PRKDC: variants seen among roughly 807,000 people sequenced by gnomAD.
The protein encoded by PRKDC is DNA-dependent protein kinase catalytic subunit.
A neutral mutation model predicts 486.9 loss-of-function variants in PRKDC; 82 were observed. That is an observed-to-expected ratio of 0.17 (90% CI 0.14 to 0.20). The LOEUF is 0.20. PRKDC is among the 10% of genes least tolerant of loss of function. The pLI, the probability that PRKDC is intolerant of heterozygous loss-of-function variation, is 1.00. For missense variants in PRKDC, 4,504 were observed against 5,038.2 expected (o/e 0.89, Z 3.21); for synonymous variants, 1,895 against 1,837.0 (o/e 1.03, Z -0.81).
At chr8:47,917,958 C>T (rs1413989854) in intron 22 of PRKDC, among the ~76,000 whole-genome samples, 1 of 152,078 alleles carries the variant, frequency 6.6e-6, no homozygotes, top group Non-Finnish European at 1.5e-5. Context: ...GATTCTCCCA[C>T]CTCAGCCTCC....
chr8:47,934,792 A>G (rs975190231), intron 14 of PRKDC, among the ~76,000 whole-genome samples: 5 of 152,214 alleles, frequency 3.3e-5, no homozygotes, highest in African/African-American at 1.2e-4. Context: ...AATGTATAAA[A>G]CCTAAAGTTA....
chr8:47,939,915 G>T, intron 10 of PRKDC: 3 of 173,904 alleles, frequency 1.7e-5, no homozygotes, highest in Non-Finnish European at 2.2e-5. Context: ...TTTTCCTAGA[G>T]AAGGGACTAA....
rs559058484 is a variant in PRKDC at position 47,776,744 on chromosome 8, C to T, written c.12182+100G>A. ...AATGAAAGCAGAGAAGTCATGCTAA[C>T]AGAGTGTCAAGAGCTCAGCACTTTG... On this transcript the variant is annotated intron_variant, in intron 85 of 85. Transcript: ENST00000314191. 101 of 1,429,800 alleles carry T rather than the reference C, an allele frequency of 7.1e-5. No individual in the cohort carries two copies. In the Middle Eastern group the frequency reaches 8.7e-4, roughly 12 times the overall value. 88.6% of individuals were successfully genotyped at this position (1,429,800 alleles called of 1,614,324 possible).
At chr8:47,789,116 T>C (rs779095945) in intron 75 of PRKDC, 35 bp downstream of exon 75, 13 of 1,612,506 alleles carry the variant, frequency 8.1e-6, no homozygotes, top group African/African-American at 1.3e-5. Context: ...ACCCAACTTA[T>C]ATGTTTTATG....
At chr8:47,920,499 G>A (rs759029731) in intron 21 of PRKDC, among the ~76,000 whole-genome samples, 3 of 152,170 alleles carry the variant, frequency 2.0e-5, no homozygotes, top group Non-Finnish European at 4.4e-5. Flanking sequence ...GATTTATACA[G>A]ATATGTAAAT....
intron 69 of PRKDC, among the ~76,000 whole-genome samples, chr8:47,805,338 C>T (rs1426844508): frequency 6.6e-6 from 1 of 152,130 alleles, no homozygotes; most frequent in African/African-American, 2.4e-5. Flanking sequence ...GGGTGTGAAG[C>T]GGTCTCTCCT....
At chr8:47,783,481 T>A (rs1011725197) in intron 78 of PRKDC, among the ~76,000 whole-genome samples, 3 of 151,520 alleles carry the variant, frequency 2.0e-5, no homozygotes, top group African/African-American at 7.3e-5. Flanking sequence ...TCCCAGCTAC[T>A]CGGGAGGCTG....
In PRKDC at chr8:47,890,499, AAG is replaced by A; in HGVS notation, c.3848-21_3848-20del. On this transcript the variant is annotated intron_variant, in intron 31 of 85. Transcript: ENST00000314191. The stretch of plus-strand genomic sequence containing the variant: ...TCAGTACCTAGAAGCAATTATATTA[AAG>A]TATTAATATATGCTTCCTTTCAACT... 3 of 1,494,922 alleles carry A rather than the reference AAG, an allele frequency of 2.0e-6. No individual in the cohort carries two copies. Among genetic ancestry groups the A allele is most frequent in the Non-Finnish European group, 2.7e-6 (3 of 1,100,882 alleles). The allele number at this position is 1,494,922 out of a possible 1,614,324, so 92.6% of individuals were successfully genotyped here. A position where few individuals can be genotyped will look rare whatever the true frequency, so the allele number is the denominator to read the frequency against.
At chr8:47,941,507 G>A (rs975100635) in intron 10 of PRKDC, among the ~76,000 whole-genome samples, 1 of 152,202 alleles carries the variant, frequency 6.6e-6, no homozygotes, top group Non-Finnish European at 1.5e-5. Flanking sequence ...AAACACAGAG[G>A]TTTGGGGGAG....
At chr8:47,776,099 G>T (rs944750976) in intron 85 of PRKDC, among the ~76,000 whole-genome samples, 1 of 152,106 alleles carries the variant, frequency 6.6e-6, no homozygotes, top group Non-Finnish European at 1.5e-5. Flanking sequence ...GTTGAGGCGT[G>T]AGCCACCACG....
At chr8:47,943,684 AT>A (rs1301876192) in intron 9 of PRKDC, among the ~76,000 whole-genome samples, 168 bp downstream of exon 9, 1 of 152,248 alleles carries the variant, frequency 6.6e-6, no homozygotes, top group African/African-American at 2.4e-5. Context: ...GAGTATCAGC[AT>A]TTCAACCAGA....
chr8:47,786,867 C>T (rs1452293403), intron 76 of PRKDC, among the ~76,000 whole-genome samples: 2 of 150,644 alleles, frequency 1.3e-5, no homozygotes, highest in Non-Finnish European at 3.0e-5. Context: ...GTAGCTGGGA[C>T]TACAGGTGCA....
chr8:47,945,122 G>T (rs1276579955), intron 7 of PRKDC, among the ~76,000 whole-genome samples: 1 of 152,164 alleles, frequency 6.6e-6, no homozygotes, highest in African/African-American at 2.4e-5. Context: ...GTACACAGTG[G>T]GTTTAGGGTG....
intron 80 of PRKDC, among the ~76,000 whole-genome samples, chr8:47,779,912 C>CTTTTTTTTTTTTTTTTT (rs925534980): frequency 9.3e-6 from 1 of 107,066 alleles, no homozygotes; most frequent in African/African-American, 3.5e-5. Context: ...TTTGTTTTGT[C>CTTTTTTTTTTTTTTTTT]TTTTTTTTTT....
Position 47,911,201 on chromosome 8 carries a change from T to C in PRKDC, c.2934+1209A>G, listed in dbSNP as rs576217438. ...GCCAAGTGCCAAGTGCTGGGGTAGA[T>C]GCTGGAGAGGAAGCAAGGAACACCA... On this transcript the variant is annotated intron_variant, in intron 25 of 85. Coordinates refer to ENST00000314191, the MANE Select transcript of PRKDC (RefSeq NM_006904.7). Among the ~76,000 whole-genome samples the C allele has an allele frequency of 7.2e-5, 11 of 152,312 alleles. No individual in the cohort carries two copies. The East Asian group carries it at 1.9e-3, about 27-fold the overall frequency.
intron 25 of PRKDC, among the ~76,000 whole-genome samples, chr8:47,907,285 C>A (rs2089802725): frequency 6.7e-6 from 1 of 148,730 alleles, no homozygotes; most frequent in South Asian, 2.1e-4. Context: ...TGTGATCCAC[C>A]CACCTCGGCC....
chr8:47,836,245 C>T (rs978168700), intron 58 of PRKDC, 93 bp downstream of exon 58: 2 of 1,244,966 alleles, frequency 1.6e-6, no homozygotes, highest in Non-Finnish European at 2.1e-6. Context: ...TTATCCCTTA[C>T]TTCTCTCACA....
At position 47,954,324 on chromosome 8, in the gene PRKDC, T is replaced by C; in HGVS notation, c.508+14A>G. The stretch of plus-strand genomic sequence containing the variant: ...TGCTAAACTATTTGAAAATAACATG[T>C]AAATGCATCTCACCTGTATCTGGTA... On this transcript the variant is annotated intron_variant, in intron 5 of 85. Coordinates refer to ENST00000314191, the MANE Select transcript of PRKDC (RefSeq NM_006904.7). 9.5e-7 allele frequency: 1 copy of C among 1,048,272 alleles called. No individual in the cohort carries two copies. The highest frequency in any genetic ancestry group is 1.3e-6 in the Non-Finnish European group (1 of 749,836). The allele number at this position is 1,048,272 out of a possible 1,614,324, so 64.9% of individuals were successfully genotyped here.
chr8:47,877,862 T>C lies in PRKDC; in HGVS notation c.5236-11A>G, dbSNP rs1241323210. ...CAATGCATCTAGAAACTAGAAAAAA[T>C]ACATCAACATCATTAAAATTTTGTT... On this transcript the variant is annotated splice_polypyrimidine_tract_variant and intron_variant, in intron 39 of 85. Transcript: ENST00000314191. 6 of 1,439,130 alleles carry C rather than the reference T, an allele frequency of 4.2e-6. No homozygotes were observed. Among genetic ancestry groups the C allele is most frequent in the South Asian group, 1.8e-5 (1 of 54,926 alleles). The allele number at this position is 1,439,130 out of a possible 1,614,324, so 89.1% of individuals were successfully genotyped here.
Sources: gnomAD v4.1 joint callset for allele counts (sites outside exome capture counted in the v4.1 genomes callset) on GRCh38, gnomAD v4.1.1 for gene constraint, MANE v1.5 for transcripts, NCBI Gene and HGNC (gene_info 2026-07-23, HGNC 2026-07-21) for gene names.